Variants in BNC2 observed in about 807,000 individuals in gnomAD.
The protein encoded by BNC2 is zinc finger protein basonuclin-2.
In BNC2, 20 loss-of-function variants were observed where a neutral mutation model predicts 76.3. That is an observed-to-expected ratio of 0.26 (90% CI 0.18 to 0.38). The LOEUF (loss-of-function observed/expected upper bound fraction) is 0.38, where lower values mean the gene tolerates loss of function less well. BNC2 is among the 10% of genes least tolerant of loss of function. BNC2 has a pLI of 1.00. For missense variants in BNC2, 1,382 were observed against 1,399.8 expected, an observed-to-expected ratio of 0.99 and a Z score of 0.20; for synonymous variants, 582 against 514.8, an observed-to-expected ratio of 1.13 and a Z score of -1.77.
intron 1 of BNC2, among the ~76,000 whole-genome samples, chr9:16,802,290 A>G (rs1048331981): frequency 2.6e-5 from 4 of 152,224 alleles, no homozygotes; most frequent in African/African-American, 4.8e-5. Context: ...AAGATGCCCG[A>G]GCAAACTAAT....
chr9:16,765,892 T>C (rs1057212338), intron 1 of BNC2, among the ~76,000 whole-genome samples: 2 of 152,036 alleles, frequency 1.3e-5, no homozygotes, highest in Non-Finnish European at 1.5e-5. Context: ...GTTCACGCCA[T>C]TCTCCTGCCT....
intron 3 of BNC2, among the ~76,000 whole-genome samples, chr9:16,719,123 G>C (rs1029046914): frequency 6.6e-6 from 1 of 152,152 alleles, no homozygotes; most frequent in African/African-American, 2.4e-5. Flanking sequence ...GAGAATGTTT[G>C]CAGGCATTCT....
chr9:16,688,474 T>A (rs775503261), intron 3 of BNC2, among the ~76,000 whole-genome samples: 4 of 152,216 alleles, frequency 2.6e-5, no homozygotes, highest in Non-Finnish European at 5.9e-5. Flanking sequence ...TTATTTAATA[T>A]AAATTTTAAA....
chr9:16,544,488 T>C (rs1818412122), intron 5 of BNC2, among the ~76,000 whole-genome samples: 1 of 152,090 alleles, frequency 6.6e-6, no homozygotes, highest in African/African-American at 2.4e-5. Context: ...TAGGGAAATA[T>C]AAAGGTGATA....
intron 5 of BNC2, among the ~76,000 whole-genome samples, chr9:16,482,303 T>A (rs190800604): frequency 4.6e-5 from 7 of 152,246 alleles, no homozygotes; most frequent in Non-Finnish European, 4.4e-5. Context: ...TACAGCAGAT[T>A]TAGCAGAATA....
chr9:16,451,727 C>A (rs1446530388), intron 5 of BNC2, among the ~76,000 whole-genome samples: 6 of 152,150 alleles, frequency 3.9e-5, no homozygotes, highest in Non-Finnish European at 8.8e-5. Flanking sequence ...TTCCACCTTC[C>A]CACTCCCATT....
At chr9:16,557,341 A>C (rs913779005) in intron 4 of BNC2, among the ~76,000 whole-genome samples, 1 of 151,908 alleles carries the variant, frequency 6.6e-6, no homozygotes, top group Non-Finnish European at 1.5e-5. Flanking sequence ...TTTACTAAAA[A>C]CACAAAAATA....
intron 1 of BNC2, among the ~76,000 whole-genome samples, chr9:16,806,534 G>A (rs1024605244): frequency 1.3e-5 from 2 of 152,212 alleles, no homozygotes; most frequent in African/African-American, 4.8e-5. Context: ...GGGAAATTAC[G>A]CCATAAGTAA....
At chr9:16,492,419 G>A (rs1278359660) in intron 5 of BNC2, among the ~76,000 whole-genome samples, 2 of 152,170 alleles carry the variant, frequency 1.3e-5, no homozygotes, top group African/African-American at 2.4e-5. Context: ...AGCTAAAAAT[G>A]CTTAAAACAT....
intron 5 of BNC2, among the ~76,000 whole-genome samples, chr9:16,550,215 G>A (rs868638614): frequency 3.9e-5 from 6 of 152,024 alleles, no homozygotes; most frequent in South Asian, 2.1e-4. Flanking sequence ...CTCTGAATGC[G>A]GCCCAACACA....
intron 3 of BNC2, among the ~76,000 whole-genome samples, chr9:16,630,959 G>A (rs927251661): frequency 3.9e-5 from 6 of 151,966 alleles, no homozygotes; most frequent in East Asian, 3.9e-4. Context: ...GGCTGGTCTC[G>A]AACTCCTGAT....
At chr9:16,738,314 A>G (rs7858712) in intron 2 of BNC2, 46 bp downstream of exon 2, 1,447,891 of 1,602,446 alleles carry the variant, frequency 0.9, 655,193 homozygotes, top group Non-Finnish European at 0.91. Flanking sequence ...CAAAGAATGC[A>G]AGTGTGTCCA....
chr9:16,595,833 T>C (rs1026901619), intron 3 of BNC2, among the ~76,000 whole-genome samples: 8 of 152,084 alleles, frequency 5.3e-5, no homozygotes, highest in Non-Finnish European at 1.2e-4. Flanking sequence ...ACCTATGTAA[T>C]GGTTGTCAGG....
At chr9:16,515,794 T>A (rs1185350103) in intron 5 of BNC2, among the ~76,000 whole-genome samples, 3 of 151,238 alleles carry the variant, frequency 2.0e-5, no homozygotes, top group African/African-American at 7.3e-5. Context: ...ACCATATGAC[T>A]TTCAATTCCA....
rs1819090452 is a variant in BNC2 at position 16,563,985 on chromosome 9, AT to A, written c.434-11221del. The stretch of plus-strand genomic sequence containing the variant: ...TAAAATTTCTATTTCTAAATATTTT[AT>A]TAATTTTCATTGTAGGCATGCATGT... On this transcript the variant is annotated intron_variant, in intron 4 of 6. Transcript: ENST00000380672. 2.0e-5 allele frequency among the ~76,000 whole-genome samples: 3 copies of A among 151,574 alleles called. No homozygotes were observed. In the South Asian group the frequency reaches 6.2e-4, roughly 31 times the overall value.
intron 1 of BNC2, among the ~76,000 whole-genome samples, chr9:16,869,212 GA>G (rs1819615787): frequency 1.9e-5 from 1 of 52,580 alleles, no homozygotes; most frequent in South Asian, 2.8e-4. Flanking sequence ...AAGTGTCCAC[GA>G]AGTATATAAA....
intron 4 of BNC2, among the ~76,000 whole-genome samples, chr9:16,573,314 T>TA (rs1819383855): frequency 6.6e-6 from 1 of 151,878 alleles, no homozygotes; most frequent in African/African-American, 2.4e-5. Flanking sequence ...AGTAAAATAG[T>TA]AAAAAAGTGA....
At chr9:16,531,450 T>A (rs551520211) in intron 5 of BNC2, among the ~76,000 whole-genome samples, 2 of 152,188 alleles carry the variant, frequency 1.3e-5, no homozygotes, top group Admixed American at 1.3e-4. Flanking sequence ...TTCTTTCATT[T>A]AATTTTTTTT....
At chr9:16,514,691 T>A (rs1822837710) in intron 5 of BNC2, among the ~76,000 whole-genome samples, 1 of 152,210 alleles carries the variant, frequency 6.6e-6, no homozygotes, top group Non-Finnish European at 1.5e-5. Context: ...TGAATTGTAA[T>A]AATAACATTT....
Sources: allele counts gnomAD v4.1 joint callset (sites outside exome capture counted in the v4.1 genomes callset), GRCh38; gene constraint gnomAD v4.1.1; transcripts MANE v1.5; gene names NCBI Gene and HGNC (gene_info 2026-07-23, HGNC 2026-07-21).